The following ADGRL4 variants were observed in gnomAD, a reference collection of about 807,000 sequenced individuals.
ADGRL4 encodes the protein adhesion G protein-coupled receptor L4, also known as EGF, latrophilin and seven transmembrane domain containing 1.
In ADGRL4, 90 loss-of-function variants were observed where a neutral mutation model predicts 74.8. The observed-to-expected ratio is 1.20, with a 90% CI of 1.02 to 1.43. The LOEUF is 1.43. Among genes scored for constraint, ADGRL4 ranks in the 40% most tolerant of loss-of-function variants. The pLI is 0.00. For missense variants in ADGRL4, 881 were observed against 814.3 expected, an observed-to-expected ratio of 1.08 and a Z score of -1.00; for synonymous variants, 311 against 279.2, an observed-to-expected ratio of 1.11 and a Z score of -1.14.
chr1:78,891,160 TA>T lies in ADGRL4; in HGVS notation c.2066del (p.Leu689Ter). On this transcript the variant is annotated frameshift_variant, in exon 15 of 15. Transcript: ENST00000370742. LOFTEE classifies it high-confidence loss of function. ...TATCCACCATTCTCTATGTTTACCT[TA>T]AACATCCAAAACAACAGGGGACATT... ...FKNVPCCFGCLR is the reference protein window; with the variant it reads ...FKNVPCCFGCXR 6.2e-7 allele frequency: 1 copy of T among 1,611,710 alleles called. No homozygotes were observed. Among genetic ancestry groups the T allele is most frequent in the Non-Finnish European group, 8.5e-7 (1 of 1,178,554 alleles).
At chr1:78,930,447 ATTTTTTT>A (rs750792474) in intron 7 of ADGRL4, among the ~76,000 whole-genome samples, 9 of 97,290 alleles carry the variant, frequency 9.3e-5, no homozygotes, top group African/African-American at 1.3e-4. Context: ...GGAAAAGCTG[ATTTTTTT>A]TTTTTTTTTT....
At chr1:78,934,945 C>T (rs1374566670) in intron 7 of ADGRL4, among the ~76,000 whole-genome samples, 14 of 152,308 alleles carry the variant, frequency 9.2e-5, no homozygotes, top group Non-Finnish European at 1.5e-5. Flanking sequence ...AACGCTTTTA[C>T]ACTGTTAGTG....
intron 2 of ADGRL4, among the ~76,000 whole-genome samples, chr1:78,964,723 T>C (rs1203912449): frequency 6.6e-6 from 1 of 152,190 alleles, no homozygotes; most frequent in South Asian, 2.1e-4. Context: ...ATACTCCTTA[T>C]CTTCACACTG....
At chr1:78,950,664 A>G (rs564371288) in intron 2 of ADGRL4, among the ~76,000 whole-genome samples, 160 of 152,300 alleles carry the variant, frequency 1.1e-3, no homozygotes, top group Non-Finnish European at 2.1e-3. Context: ...GGTGATAGCT[A>G]CATGCAAATT....
At chr1:78,923,367 C>T (rs570005666) in intron 8 of ADGRL4, among the ~76,000 whole-genome samples, 32 of 152,142 alleles carry the variant, frequency 2.1e-4, no homozygotes, top group Middle Eastern at 3.4e-3. Flanking sequence ...TCCTAAGAAA[C>T]GGATTGGCCC....
rs1409131958 is a variant in ADGRL4 at position 78,965,169 on chromosome 1, T to G, written c.173-18743A>C. Among the ~76,000 whole-genome samples the G allele has an allele frequency of 2.0e-5, 3 of 151,970 alleles. No homozygotes were observed. The East Asian group carries it at 5.8e-4, about 29-fold the overall frequency. ...AAAATGCAAATATATATTTTGGGAGTTTTTTAAAATTTACAAGCTAAAGTC... is the reference window on the plus strand; with the variant it reads ...AAAATGCAAATATATATTTTGGGAGGTTTTTAAAATTTACAAGCTAAAGTC... On this transcript the variant is annotated intron_variant, in intron 2 of 14. Transcript: ENST00000370742.
At chr1:78,911,643 T>G in intron 12 of ADGRL4, among the ~76,000 whole-genome samples, 1 of 151,482 alleles carries the variant, frequency 6.6e-6, no homozygotes, top group South Asian at 2.1e-4. Context: ...ACACACACTA[T>G]AGTTGGCTAC....
At chr1:78,989,215 C>T (rs1413237479) in intron 2 of ADGRL4, among the ~76,000 whole-genome samples, 2 of 151,728 alleles carry the variant, frequency 1.3e-5, no homozygotes, top group South Asian at 2.1e-4. Flanking sequence ...AGAATTTATA[C>T]TTTTAAAATC....
At chr1:78,891,245 ATGT>A in intron 14 of ADGRL4, 29 bp from the exon 15 acceptor site, 1 of 1,568,028 alleles carries the variant, frequency 6.4e-7, no homozygotes, top group Non-Finnish European at 8.7e-7. Context: ...AAAGGAAGAA[ATGT>A]TAATCATAAC....
At chr1:78,914,770 G>A (rs576994652) in intron 12 of ADGRL4, among the ~76,000 whole-genome samples, 13 of 151,796 alleles carry the variant, frequency 8.6e-5, no homozygotes, top group African/African-American at 3.1e-4. Flanking sequence ...TTGAGTAGGG[G>A]CAGAGTGGTT....
At chr1:78,897,469 C>G (rs927584611) in intron 12 of ADGRL4, among the ~76,000 whole-genome samples, 1 of 152,102 alleles carries the variant, frequency 6.6e-6, no homozygotes, top group Admixed American at 6.6e-5. Context: ...CCCATGTTGT[C>G]TCTTCTCAGT....
chr1:78,936,250 T>G (rs370223186), intron 7 of ADGRL4, 45 bp downstream of exon 7: 27 of 1,555,592 alleles, frequency 1.7e-5, no homozygotes, highest in African/African-American at 2.8e-5. Context: ...AAATATTTAT[T>G]GCAAATTCAT....
intron 10 of ADGRL4, among the ~76,000 whole-genome samples, chr1:78,919,516 T>C (rs537876020): frequency 3.9e-5 from 6 of 152,042 alleles, no homozygotes; most frequent in African/African-American, 1.4e-4. Context: ...TAGAACTGCA[T>C]TACTGTGTGG....
chr1:78,991,858 A>G (rs1650614337), intron 2 of ADGRL4, among the ~76,000 whole-genome samples: 1 of 152,030 alleles, frequency 6.6e-6, no homozygotes. Context: ...GTGTGAAGGA[A>G]TAATATGGTT....
intron 2 of ADGRL4, among the ~76,000 whole-genome samples, chr1:78,990,566 G>A (rs1010049861): frequency 7.3e-5 from 11 of 151,692 alleles, no homozygotes; most frequent in Non-Finnish European, 1.6e-4. Context: ...GAAGTATAAA[G>A]GGATTGTTGA....
At chr1:78,938,311 T>C (rs1429045989) in intron 4 of ADGRL4, 32 bp from the exon 5 acceptor site, 2 of 1,513,038 alleles carry the variant, frequency 1.3e-6, no homozygotes, top group Non-Finnish European at 8.8e-7. Context: ...AAAAGGAAAC[T>C]AAATTAGTTC....
intron 12 of ADGRL4, among the ~76,000 whole-genome samples, chr1:78,905,887 T>C (rs1049496766): frequency 3.9e-5 from 6 of 152,058 alleles, no homozygotes; most frequent in African/African-American, 1.4e-4. Flanking sequence ...TCTCACATTT[T>C]GCAGATTGTG....
At chr1:78,987,760 A>C (rs550240340) in intron 2 of ADGRL4, among the ~76,000 whole-genome samples, 1 of 151,660 alleles carries the variant, frequency 6.6e-6, no homozygotes, top group Non-Finnish European at 1.5e-5. Context: ...TCAATATTGC[A>C]TGACTCTTAT....
At chr1:78,976,133 G>A (rs1182983348) in intron 2 of ADGRL4, among the ~76,000 whole-genome samples, 3 of 151,896 alleles carry the variant, frequency 2.0e-5, no homozygotes, top group Non-Finnish European at 2.9e-5. Context: ...AGAAGAACAA[G>A]GTGACTAGAG....
Sources: gnomAD v4.1 joint callset for allele counts (sites outside exome capture counted in the v4.1 genomes callset) on GRCh38, gnomAD v4.1.1 for gene constraint, MANE v1.5 for transcripts, NCBI Gene and HGNC (gene_info 2026-07-23, HGNC 2026-07-21) for gene names.